Variants in SCN10A observed in about 807,000 individuals in gnomAD.
SCN10A encodes sodium channel protein type 10 subunit alpha.
SCN10A carries 162 observed loss-of-function variants against 170.7 expected under a neutral mutation model. The ratio of observed to expected loss-of-function variants is 0.95; its 90% CI spans 0.84 to 1.08. The LOEUF (loss-of-function observed/expected upper bound fraction) is 1.08. Among genes scored for constraint, SCN10A ranks in the 50% least tolerant of loss-of-function variants. The pLI is 0.00. For missense variants in SCN10A, 2,527 were observed against 2,436.9 expected, an observed-to-expected ratio of 1.04 and a Z score of -0.78; for synonymous variants, 985 against 904.6, an observed-to-expected ratio of 1.09 and a Z score of -1.59.
intron 15 of SCN10A, among the ~76,000 whole-genome samples, chr3:38,734,443 T>A (rs1027905570): frequency 2.0e-5 from 3 of 152,212 alleles, no homozygotes; most frequent in Admixed American, 1.3e-4. Context: ...TAAAAAAATC[T>A]TAAGCAAATT....
chr3:38,808,259 CT>C, intron 1 of SCN10A, among the ~76,000 whole-genome samples: 2 of 152,104 alleles, frequency 1.3e-5, no homozygotes, highest in Non-Finnish European at 2.9e-5. Flanking sequence ...TTCTCTCTCT[CT>C]CAGCAATGCT....
At chr3:38,811,955 G>A (rs148276739) in intron 1 of SCN10A, among the ~76,000 whole-genome samples, 1 of 152,244 alleles carries the variant, frequency 6.6e-6, no homozygotes, top group Non-Finnish European at 1.5e-5. Context: ...GCCCCCTGCC[G>A]CTCACTTGGT....
intron 5 of SCN10A, among the ~76,000 whole-genome samples, chr3:38,770,173 C>T (rs2063982024): frequency 6.6e-6 from 1 of 152,294 alleles, no homozygotes; most frequent in African/African-American, 2.4e-5. Context: ...CTTTAATGGC[C>T]TGAGCTGTTT....
At chr3:38,761,098 CT>C (rs1220862434) in intron 7 of SCN10A, 93 bp downstream of exon 7, 1 of 1,032,296 alleles carries the variant, frequency 9.7e-7, no homozygotes, top group Non-Finnish European at 1.4e-6. Flanking sequence ...AAATATATGT[CT>C]ATACACACAC....
At position 38,697,230 on chromosome 3, in the gene SCN10A, T is replaced by C; in HGVS notation, c.*119A>G. On this transcript the variant is annotated 3_prime_UTR_variant, in exon 28 of 28. Coordinates refer to ENST00000449082, the MANE Select transcript of SCN10A (RefSeq NM_006514.4). ...TTGCATTCCCTGCCCAGTTCTGACATTGTGACCAGTGGCATGCATTGGTGA... is the reference window on the plus strand; with the variant it reads ...TTGCATTCCCTGCCCAGTTCTGACACTGTGACCAGTGGCATGCATTGGTGA... The C allele has an allele frequency of 6.7e-7, 1 of 1,482,490 alleles. No individual in the cohort carries two copies. Among genetic ancestry groups the C allele is most frequent in the Admixed American group, 2.1e-5 (1 of 47,098 alleles). The allele number at this position is 1,482,490 out of a possible 1,614,324, so 91.8% of individuals were successfully genotyped here.
intron 1 of SCN10A, among the ~76,000 whole-genome samples, chr3:38,799,721 A>T (rs1294862351): frequency 1.3e-5 from 2 of 149,956 alleles, no homozygotes; most frequent in African/African-American, 4.9e-5. Flanking sequence ...TCTCATATAA[A>T]GTTTTTCTTT....
intron 8 of SCN10A, among the ~76,000 whole-genome samples, chr3:38,758,724 A>T (rs1163078777): frequency 6.6e-6 from 1 of 151,964 alleles, no homozygotes; most frequent in Non-Finnish European, 1.5e-5. Flanking sequence ...TCTGTCCGTT[A>T]TCCTGAGCTG....
At position 38,697,434 on chromosome 3, in the gene SCN10A, C is replaced by G. The variant is rs1575914128; in HGVS notation, c.5786G>C (p.Ser1929Thr). The G allele has an allele frequency of 6.2e-7, 1 of 1,614,224 alleles. No individual in the cohort carries two copies. Residue 1929 changes from serine to threonine, a missense_variant, in exon 28 of 28, where the codon AGT becomes ACT. Coordinates refer to ENST00000449082, the MANE Select transcript of SCN10A (RefSeq NM_006514.4). ...AGATGTCCTCATGTTGACTCTATCACTAAGGCCTCTAGTGACACTCTCATA... is the reference window on the plus strand; with the variant it reads ...AGATGTCCTCATGTTGACTCTATCAGTAAGGCCTCTAGTGACACTCTCATA... Reference protein sequence around the residue: ...PSYESVTRGLSDRVNMRTSSS... With the variant: ...PSYESVTRGLTDRVNMRTSSS...
chr3:38,749,711 T>C (rs1188676940), intron 13 of SCN10A, among the ~76,000 whole-genome samples: 1 of 152,216 alleles, frequency 6.6e-6, no homozygotes, highest in Non-Finnish European at 1.5e-5. Context: ...AATTTTGCCA[T>C]GTTGGAAAAT....
intron 15 of SCN10A, among the ~76,000 whole-genome samples, chr3:38,737,798 CTCTTTCTT>C (rs1166425687): frequency 8.0e-4 from 75 of 93,626 alleles, no homozygotes; most frequent in East Asian, 1.9e-3. Context: ...CCCTCCCTTC[CTCTTTCTT>C]TCTTTCTTTC....
chr3:38,814,572 C>T (rs1440805409), intron 1 of SCN10A, among the ~76,000 whole-genome samples: 2 of 152,148 alleles, frequency 1.3e-5, no homozygotes, highest in Non-Finnish European at 2.9e-5. Context: ...TACCATTTAC[C>T]ATTACAGACC....
intron 27 of SCN10A, 118 bp downstream of exon 27, chr3:38,701,721 C>T: frequency 2.1e-6 from 2 of 947,584 alleles, no homozygotes; most frequent in Non-Finnish European, 3.1e-6. Flanking sequence ...ATACAGGGTT[C>T]TTCTAACATA....
intron 1 of SCN10A, among the ~76,000 whole-genome samples, chr3:38,795,272 A>G (rs188918938): frequency 5.3e-5 from 8 of 151,914 alleles, no homozygotes; most frequent in African/African-American, 1.9e-4. Flanking sequence ...GCAGGGATAC[A>G]AGAGATTGCC....
chr3:38,760,910 G>A (rs916104759), intron 7 of SCN10A, among the ~76,000 whole-genome samples, 163 bp from the exon 8 acceptor site: 29 of 152,168 alleles, frequency 1.9e-4, no homozygotes, highest in Non-Finnish European at 2.9e-5. Flanking sequence ...AGTCACATCT[G>A]AAAAGAGAAG....
At chr3:38,738,912 G>A (rs1402741584) in intron 15 of SCN10A, among the ~76,000 whole-genome samples, 1 of 152,206 alleles carries the variant, frequency 6.6e-6, no homozygotes, top group Non-Finnish European at 1.5e-5. Context: ...CAGGTTGAAG[G>A]TGCTTGAGAC....
In SCN10A at chr3:38,697,658, T is replaced by C. The variant is rs1430249846; in HGVS notation, c.5562A>G (p.Ser1854=). The change falls in exon 28 of 28, where the codon TCA becomes TCG. Residue 1854 remains serine (S), a synonymous_variant. Transcript: ENST00000449082. ...GATAGGCCTTTTGAATGACAGTGGCTGAAATGTCTTCTTGCTTCCATCGGA... is the reference window on the plus strand; with the variant it reads ...GATAGGCCTTTTGAATGACAGTGGCCGAAATGTCTTCTTGCTTCCATCGGA... ...TTLRWKQEDI[S]ATVIQKAYRS... 6.2e-7 allele frequency: 1 copy of C among 1,614,230 alleles called. No individual in the cohort carries two copies. Among genetic ancestry groups the C allele is most frequent in the South Asian group, 1.1e-5 (1 of 91,088 alleles).
intron 18 of SCN10A, among the ~76,000 whole-genome samples, chr3:38,724,655 A>G (rs1047272168): frequency 2.6e-4 from 40 of 152,162 alleles, no homozygotes; most frequent in African/African-American, 9.2e-4. Flanking sequence ...AAACTTCTTC[A>G]TCTGTGAGCA....
At chr3:38,812,837 C>A (rs1035769942) in intron 1 of SCN10A, among the ~76,000 whole-genome samples, 4 of 152,026 alleles carry the variant, frequency 2.6e-5, no homozygotes, top group African/African-American at 9.7e-5. Flanking sequence ...AGTTCGAGAC[C>A]AGCCTGGGCA....
intron 24 of SCN10A, 115 bp from the exon 25 acceptor site, chr3:38,709,730 C>T (rs1347238037): frequency 1.1e-6 from 1 of 929,570 alleles, no homozygotes; most frequent in East Asian, 2.8e-5. Context: ...GGGAGGTGAT[C>T]CAAGGAAGCA....
Sources: gnomAD v4.1 joint callset for allele counts (sites outside exome capture counted in the v4.1 genomes callset) on GRCh38, gnomAD v4.1.1 for gene constraint, MANE v1.5 for transcripts, NCBI Gene and HGNC (gene_info 2026-07-23, HGNC 2026-07-21) for gene names.